Variants in COQ2 observed in about 807,000 individuals in gnomAD.
COQ2 encodes 4-hydroxybenzoate polyprenyltransferase, mitochondrial.
Under a neutral mutation model 35.7 loss-of-function variants are expected in COQ2, and 25 were observed. The ratio of observed to expected loss-of-function variants is 0.70; its 90% CI spans 0.51 to 0.98. The LOEUF (loss-of-function observed/expected upper bound fraction) is 0.98, where lower values mean the gene tolerates loss of function less well. Among genes scored for constraint, COQ2 ranks in the 50% least tolerant of loss-of-function variants. COQ2 has a pLI of 0.00. For missense variants in COQ2, 488 were observed against 473.5 expected (o/e 1.03, Z -0.28); for synonymous variants, 206 against 186.2 (o/e 1.11, Z -0.86).
chr4:83,269,392 T>C (rs1033795155), intron 5 of COQ2, among the ~76,000 whole-genome samples: 2 of 152,124 alleles, frequency 1.3e-5, no homozygotes, highest in Non-Finnish European at 2.9e-5. Flanking sequence ...AATTCAATGA[T>C]TAGAGGGACA....
At chr4:83,276,016 T>G (rs1374162728) in intron 2 of COQ2, among the ~76,000 whole-genome samples, 7 of 62,234 alleles carry the variant, frequency 1.1e-4, no homozygotes, top group South Asian at 1.3e-3. Context: ...ATATTATATA[T>G]AATATATATT....
At chr4:83,267,484 T>A (rs899374529) in intron 6 of COQ2, 102 bp downstream of exon 6, 4 of 1,081,396 alleles carry the variant, frequency 3.7e-6, no homozygotes, top group East Asian at 2.7e-5. Context: ...AGTAGTTGTT[T>A]AAGAAGTTCC....
chr4:83,282,548 A>G, intron 1 of COQ2: 1 of 889,298 alleles, frequency 1.1e-6, no homozygotes, highest in Non-Finnish European at 1.3e-6. Flanking sequence ...TTAGAACCAA[A>G]CCATGCAGGC....
At chr4:83,267,098 G>T (rs963571939) in intron 6 of COQ2, 3 of 448,088 alleles carry the variant, frequency 6.7e-6, no homozygotes, top group African/African-American at 2.0e-5. Context: ...ACCTTGGCTG[G>T]GGTTGGTAGC....
chr4:83,273,144 A>T (rs1188725016), intron 3 of COQ2, among the ~76,000 whole-genome samples: 1 of 151,186 alleles, frequency 6.6e-6, no homozygotes, highest in Non-Finnish European at 1.5e-5. Context: ...CTTTAAGTCT[A>T]CTTTAGAGAT....
intron 2 of COQ2, among the ~76,000 whole-genome samples, chr4:83,273,980 C>CAA (rs967781699): frequency 0.031 from 901 of 29,038 alleles, 79 homozygotes; most frequent in African/African-American, 0.088. Context: ...GCTGTCTCTA[C>CAA]AAAAAAAAAA....
intron 6 of COQ2, among the ~76,000 whole-genome samples, chr4:83,264,782 C>T (rs1288937212): frequency 4.6e-5 from 7 of 152,196 alleles, no homozygotes; most frequent in South Asian, 4.1e-4. Flanking sequence ...CGATTTAGAA[C>T]GTTCTTCCTT....
At chr4:83,267,906 C>G in intron 5 of COQ2, 132 bp from the exon 6 acceptor site, 2 of 685,300 alleles carry the variant, frequency 2.9e-6, no homozygotes, top group Non-Finnish European at 4.8e-6. Context: ...CCACTAACTA[C>G]TTTCAGAAGA....
At chr4:83,272,314 G>T in intron 3 of COQ2, 142 bp from the exon 4 acceptor site, 1 of 485,520 alleles carries the variant, frequency 2.1e-6, no homozygotes, top group Non-Finnish European at 3.6e-6. Flanking sequence ...TATCTTCCTA[G>T]CCTTCGACTT....
At chr4:83,275,866 G>A (rs1735153500) in intron 2 of COQ2, among the ~76,000 whole-genome samples, 1 of 151,220 alleles carries the variant, frequency 6.6e-6, no homozygotes, top group Admixed American at 6.6e-5. Context: ...CTAATTTATG[G>A]GACTATTTTT....
chr4:83,274,246 C>T (rs1053607553), intron 2 of COQ2, among the ~76,000 whole-genome samples: 4 of 152,056 alleles, frequency 2.6e-5, no homozygotes, highest in Admixed American at 6.6e-5. Flanking sequence ...AAAATATTTA[C>T]GAAGTGGCAC....
chr4:83,266,368 T>G (rs1029277738), intron 6 of COQ2, among the ~76,000 whole-genome samples: 2 of 152,044 alleles, frequency 1.3e-5, no homozygotes, highest in African/African-American at 4.8e-5. Flanking sequence ...TTTTTTTGTT[T>G]TTTTTTTGAG....
chr4:83,272,550 T>C (rs141365909), intron 3 of COQ2, among the ~76,000 whole-genome samples: 340 of 152,264 alleles, frequency 2.2e-3, no homozygotes, highest in African/African-American at 7.8e-3. Context: ...CACAAAGAAA[T>C]TAAGTAGTTT....
chr4:83,272,155 C>A lies in COQ2; in HGVS notation c.560G>T (p.Gly187Val). ...GTAGGTGATGACAAGAAGTAAGGAT[C>A]CTGCTCCCAGAGCTATACTGAAAAG... ...LNYYSIALGA[G>V]SLLLVITYPL... The change falls in exon 4 of 7, where the codon GGA (glycine) becomes GTA (valine). Residue 187 changes from glycine (G) to valine (V), a missense_variant. Gly to Val is a moderately radical substitution (Grantham distance 109). Transcript: ENST00000647002. The A allele has an allele frequency of 2.5e-6, 4 of 1,609,748 alleles. No individual in the cohort carries two copies. The highest frequency in any genetic ancestry group is 8.5e-7 in the Non-Finnish European group (1 of 1,177,698).
intron 6 of COQ2, chr4:83,266,816 C>CT (rs1734930096): frequency 1.0e-5 from 2 of 192,058 alleles, no homozygotes; most frequent in South Asian, 1.4e-4. Context: ...ACTGGCAGAA[C>CT]TTTGACATGT....
intron 3 of COQ2, among the ~76,000 whole-genome samples, chr4:83,273,190 G>A (rs868846673): frequency 3.9e-5 from 6 of 152,318 alleles, no homozygotes; most frequent in Middle Eastern, 3.4e-3. Context: ...ATGTGTGGGT[G>A]TATACACACA....
intron 5 of COQ2, among the ~76,000 whole-genome samples, chr4:83,267,980 C>T (rs1734964135): frequency 6.6e-6 from 1 of 152,166 alleles, no homozygotes; most frequent in South Asian, 2.1e-4. Flanking sequence ...AACTCAGAAA[C>T]AGGCTGATCA....
intron 4 of COQ2, 150 bp downstream of exon 4, chr4:83,271,937 A>C: frequency 1.8e-6 from 1 of 549,948 alleles, no homozygotes; most frequent in Non-Finnish European, 3.3e-6. Context: ...AAAATAGCTA[A>C]CTGCTCTCCT....
rs1735197539 is a variant in COQ2 at position 83,276,844 on chromosome 4, T to C, written c.420+2104A>G. Among the ~76,000 whole-genome samples the C allele has an allele frequency of 1.3e-5, 2 of 152,190 alleles. 1 individual carries two copies. Among genetic ancestry groups the C allele is most frequent in the Non-Finnish European group, 2.9e-5 (2 of 68,032 alleles). On this transcript the variant is annotated intron_variant, in intron 2 of 6. Transcript: ENST00000647002. ...TAAAAAATGTGGTATATATACACCA[T>C]GGAATACAAGGCCATAAAAAAGAAT...
Sources: gnomAD v4.1 joint callset for allele counts (sites outside exome capture counted in the v4.1 genomes callset) on GRCh38, gnomAD v4.1.1 for gene constraint, MANE v1.5 for transcripts, NCBI Gene and HGNC (gene_info 2026-07-23, HGNC 2026-07-21) for gene names.